Variants in VAT1L observed in about 807,000 individuals in gnomAD.
VAT1L encodes vesicle amine transport 1 like.
VAT1L carries 34 observed loss-of-function variants against 44.1 expected under a neutral mutation model. The ratio of observed to expected loss-of-function variants is 0.77; its 90% confidence interval spans 0.59 to 1.03. The LOEUF (loss-of-function observed/expected upper bound fraction) is 1.03, where lower values mean the gene tolerates loss of function less well. Among genes scored for constraint, VAT1L ranks in the 50% least tolerant of loss-of-function variants. The probability of loss-of-function intolerance (pLI) is 0.00; values close to 1 mark genes in which losing one functional copy is unlikely to be tolerated. For missense variants in VAT1L, 615 were observed against 538.8 expected (o/e 1.14, Z -1.40); for synonymous variants, 253 against 202.2 (o/e 1.25, Z -2.13).
chr16:77,914,880 C>A (rs1244566348), intron 7 of VAT1L, among the ~76,000 whole-genome samples: 1 of 152,210 alleles, frequency 6.6e-6, no homozygotes, highest in Non-Finnish European at 1.5e-5. Context: ...AATCCCAGCA[C>A]TTTGGGAGAC....
At chr16:77,804,757 T>A (rs1044265674) in intron 1 of VAT1L, among the ~76,000 whole-genome samples, 9 of 152,140 alleles carry the variant, frequency 5.9e-5, no homozygotes, top group African/African-American at 2.2e-4. Flanking sequence ...TGAGCTTCCT[T>A]CTTGAGGCTG....
At chr16:77,872,138 A>C (rs977881156) in intron 4 of VAT1L, among the ~76,000 whole-genome samples, 1 of 152,174 alleles carries the variant, frequency 6.6e-6, no homozygotes, top group Non-Finnish European at 1.5e-5. Context: ...AACTCACCTA[A>C]GGTCACACAG....
chr16:77,957,017 C>T (rs988432281), intron 7 of VAT1L, among the ~76,000 whole-genome samples: 4 of 152,150 alleles, frequency 2.6e-5, no homozygotes, highest in African/African-American at 4.8e-5. Context: ...AAATGATCAC[C>T]TCTGACTTCT....
chr16:77,916,715 G>T (rs2017555700), intron 7 of VAT1L, among the ~76,000 whole-genome samples: 1 of 151,476 alleles, frequency 6.6e-6, no homozygotes, highest in South Asian at 2.1e-4. Context: ...GTTCTCTAAA[G>T]AATCTATGCT....
At chr16:77,903,073 C>T (rs1021386359) in intron 7 of VAT1L, among the ~76,000 whole-genome samples, 3 of 152,124 alleles carry the variant, frequency 2.0e-5, no homozygotes, top group African/African-American at 7.2e-5. Flanking sequence ...GCAGCATTCC[C>T]TTTCTTAAAA....
At position 77,877,537 on chromosome 16, in the gene VAT1L, A is replaced by AC. The variant is rs1218419146; in HGVS notation, c.826+1064_826+1065insC. ...CAAAAAAAAAAAAAAAAAAAAAAAA[A>AC]AAAAAACCACATTAGTCTCCACAAA... On this transcript the variant is annotated intron_variant, in intron 5 of 8. Coordinates refer to ENST00000302536, the MANE Select transcript of VAT1L (RefSeq NM_020927.3). Among the ~76,000 whole-genome samples the AC allele has an allele frequency of 5.2e-5, 7 of 135,794 alleles. No homozygotes were observed. In the Admixed American group the frequency reaches 5.3e-4, roughly 10 times the overall value. 89.1% of individuals were successfully genotyped at this position (135,794 alleles called of 152,430 possible). A position where few individuals can be genotyped will look rare whatever the true frequency, so the allele number is the denominator to read the frequency against.
intron 3 of VAT1L, among the ~76,000 whole-genome samples, chr16:77,838,515 TC>T (rs1247525181): frequency 6.6e-6 from 1 of 152,002 alleles, no homozygotes; most frequent in Non-Finnish European, 1.5e-5. Context: ...ACCCCCCTGC[TC>T]TCAACATGCC....
chr16:77,926,018 T>G (rs1307016171), intron 7 of VAT1L, among the ~76,000 whole-genome samples: 1 of 152,004 alleles, frequency 6.6e-6, no homozygotes, highest in East Asian at 1.9e-4. Flanking sequence ...ATCCTAGCAC[T>G]TTGGGAGGCC....
At position 77,924,776 on chromosome 16, in the gene VAT1L, A is replaced by G. The variant is rs550234362; in HGVS notation, c.1077+39974A>G. On this transcript the variant is annotated intron_variant, in intron 7 of 8. Coordinates refer to ENST00000302536, the MANE Select transcript of VAT1L (RefSeq NM_020927.3). Reference sequence around the variant, plus strand: ...GCCTGGCCCATTTACCCTTATTTTCATATCCCCTCAACCCAGACTCCAAGA... The same window carrying G: ...GCCTGGCCCATTTACCCTTATTTTCGTATCCCCTCAACCCAGACTCCAAGA... Among the ~76,000 whole-genome samples the G allele has an allele frequency of 1.2e-4, 18 of 151,976 alleles. No homozygotes were observed. In the South Asian group the frequency reaches 3.1e-3, roughly 26 times the overall value.
At chr16:77,878,035 C>T (rs1298541872) in intron 5 of VAT1L, among the ~76,000 whole-genome samples, 1 of 152,176 alleles carries the variant, frequency 6.6e-6, no homozygotes, top group Non-Finnish European at 1.5e-5. Context: ...ATTTTTGTCC[C>T]AGTTTCTTGA....
At chr16:77,965,218 G>GAACA (rs111885901) in intron 7 of VAT1L, among the ~76,000 whole-genome samples, 2,607 of 152,236 alleles carry the variant, frequency 0.017, 74 homozygotes, top group African/African-American at 0.059. Context: ...TTGAATGACT[G>GAACA]AACAAATAAA....
rs777903610 is a variant in VAT1L, at chr16:77,923,734, G to C, written c.1077+38932G>C. Among the ~76,000 whole-genome samples, 62 of 152,278 alleles carry C rather than the reference G, an allele frequency of 4.1e-4. 1 individual carries two copies. The highest frequency in any genetic ancestry group is 7.7e-4 in the East Asian group (4 of 5,174). ...GCTTCTTTCTCAAAGTTGGTACCCA[G>C]GGTGGCTTCACACAGTTTTTGAAAA... On this transcript the variant is annotated intron_variant, in intron 7 of 8. Coordinates refer to ENST00000302536, the MANE Select transcript of VAT1L (RefSeq NM_020927.3).
At chr16:77,974,922 T>C (rs2018319511) in intron 8 of VAT1L, among the ~76,000 whole-genome samples, 1 of 151,900 alleles carries the variant, frequency 6.6e-6, no homozygotes, top group Non-Finnish European at 1.5e-5. Flanking sequence ...CAGTAGAGAA[T>C]GGGTAATCAG....
chr16:77,801,382 T>C (rs1469731011), intron 1 of VAT1L: 1 of 152,178 alleles, frequency 6.6e-6, no homozygotes, highest in Non-Finnish European at 1.5e-5. Context: ...CATTCAGTAA[T>C]AGCTGAAAAG....
At chr16:77,934,057 T>C (rs777433685) in intron 7 of VAT1L, among the ~76,000 whole-genome samples, 1 of 151,964 alleles carries the variant, frequency 6.6e-6, no homozygotes, top group African/African-American at 2.4e-5. Flanking sequence ...GGAGTAAGAA[T>C]AGAAGTAAGA....
intron 7 of VAT1L, among the ~76,000 whole-genome samples, chr16:77,936,776 G>A (rs1038371526): frequency 1.3e-5 from 2 of 152,180 alleles, no homozygotes; most frequent in Non-Finnish European, 2.9e-5. Flanking sequence ...AGGAGAGGAA[G>A]GAGAGGGAGG....
Position 77,879,301 on chromosome 16 carries a change from GTTTGT to G in VAT1L, c.882+82_882+86del. ...TTGAGAGCTTTGTTTTTGTTTGTTT[GTTTGT>G]TTTGAGACAGCGTCTCGTTCTGTCA... On this transcript the variant is annotated intron_variant, in intron 6 of 8. Transcript: ENST00000302536. The surrounding 1 kb of genome is among the most constrained non-coding windows in gnomAD (Gnocchi z 4.1). 1 of 1,516,740 alleles carries G rather than the reference GTTTGT, an allele frequency of 6.6e-7. No individual in the cohort carries two copies. The highest frequency in any genetic ancestry group is 9.1e-7 in the Non-Finnish European group (1 of 1,093,040). The allele number at this position is 1,516,740 out of a possible 1,614,324, so 94.0% of individuals were successfully genotyped here. A position where few individuals can be genotyped will look rare whatever the true frequency, so the allele number is the denominator to read the frequency against.
chr16:77,851,843 G>A (rs2016811494), intron 3 of VAT1L, among the ~76,000 whole-genome samples: 1 of 152,104 alleles, frequency 6.6e-6, no homozygotes, highest in Non-Finnish European at 1.5e-5. Flanking sequence ...CGGTTTGCCT[G>A]ACTCCAAAGT....
intron 7 of VAT1L, among the ~76,000 whole-genome samples, chr16:77,930,279 G>T (rs1487542125): frequency 6.6e-6 from 1 of 152,160 alleles, no homozygotes; most frequent in Non-Finnish European, 1.5e-5. Context: ...CATGGCCTCA[G>T]TGAAAGCCAC....
Sources: gnomAD v4.1 joint callset for allele counts (sites outside exome capture counted in the v4.1 genomes callset) on GRCh38, gnomAD v4.1.1 for gene constraint, Gnocchi (gnomAD v3.1) non-coding constraint, MANE v1.5 for transcripts, NCBI Gene and HGNC (gene_info 2026-07-23, HGNC 2026-07-21) for gene names.